Variants in SLC4A10 observed in about 807,000 individuals in gnomAD.
The protein encoded by SLC4A10 is sodium-driven chloride bicarbonate exchanger.
In SLC4A10, 42 loss-of-function variants were observed where a neutral mutation model predicts 137.7. That is an observed-to-expected ratio of 0.30 (90% CI 0.24 to 0.39). The LOEUF (loss-of-function observed/expected upper bound fraction) is 0.39. Among genes scored for constraint, SLC4A10 ranks in the 10% least tolerant of loss-of-function variants. The pLI is 1.00. For missense variants in SLC4A10, 925 were observed against 1,355.0 expected (o/e 0.68, Z 4.98); for synonymous variants, 474 against 464.1 (o/e 1.02, Z -0.27).
At chr2:161,923,272 C>CTA (rs1688469148) in intron 15 of SLC4A10, among the ~76,000 whole-genome samples, 1 of 152,120 alleles carries the variant, frequency 6.6e-6, no homozygotes, top group Non-Finnish European at 1.5e-5. Context: ...TATTTTAAGC[C>CTA]AAATAATTCA....
intron 15 of SLC4A10, among the ~76,000 whole-genome samples, chr2:161,918,449 C>T (rs1280785868): frequency 6.6e-6 from 1 of 152,050 alleles, no homozygotes; most frequent in Non-Finnish European, 1.5e-5. Flanking sequence ...AGCCACCACA[C>T]CTGGCCTAGA....
chr2:161,667,651 T>C (rs536448324), intron 1 of SLC4A10, among the ~76,000 whole-genome samples: 1 of 151,822 alleles, frequency 6.6e-6, no homozygotes, highest in East Asian at 1.9e-4. Context: ...GCAGTTACTT[T>C]GAGAAAATAT....
Position 161,872,292 on chromosome 2 carries a change from G to GCAGGTCAGGTTGTTTCTCCT in SLC4A10, c.770_789dup (p.Ser264ValfsTer45). 1 of 1,611,454 alleles carries GCAGGTCAGGTTGTTTCTCCT rather than the reference G, an allele frequency of 6.2e-7. No individual in the cohort carries two copies. The highest frequency in any genetic ancestry group is 8.5e-7 in the Non-Finnish European group (1 of 1,177,930). ...TATTCTGTCACAACAATCTCTTTTA[G>GCAGGTCAGGTTGTTTCTCCT]CAGGTCAGGTTGTTTCTCCTCAGTC... On this transcript the variant is annotated frameshift_variant and splice_region_variant. Transcript: ENST00000446997. LOFTEE classifies it high-confidence loss of function.
Position 161,896,430 on chromosome 2 carries a change from G to GT in SLC4A10, c.1341+1612dup, listed in dbSNP as rs1271893914. On this transcript the variant is annotated intron_variant, in intron 11 of 26. Transcript: ENST00000446997. ...TTAGTTCCATATGAACTTTAAAGTA[G>GT]TTTTTTTCCAATTCTGTGAAGAAAG... 4.6e-5 allele frequency among the ~76,000 whole-genome samples: 7 copies of GT among 152,188 alleles called. No individual in the cohort carries two copies. The South Asian group carries it at 1.5e-3, about 32-fold the overall frequency.
At chr2:161,925,242 T>A (rs967086411) in intron 15 of SLC4A10, among the ~76,000 whole-genome samples, 2 of 152,192 alleles carry the variant, frequency 1.3e-5, no homozygotes, top group Non-Finnish European at 2.9e-5. Flanking sequence ...ATTGGTCTAT[T>A]CAGAGATTCA....
intron 19 of SLC4A10, among the ~76,000 whole-genome samples, chr2:161,955,465 A>T (rs954742314): frequency 6.6e-6 from 1 of 152,198 alleles, no homozygotes; most frequent in Non-Finnish European, 1.5e-5. Context: ...ATTGAGTTAG[A>T]TATTTTGGTA....
intron 2 of SLC4A10, among the ~76,000 whole-genome samples, chr2:161,800,767 G>A (rs1027768358): frequency 3.9e-5 from 6 of 151,982 alleles, no homozygotes; most frequent in Non-Finnish European, 7.4e-5. Flanking sequence ...GAGTAATGTC[G>A]ACCATGAGAT....
Position 161,840,773 on chromosome 2 carries a change from G to A in SLC4A10, c.416+846G>A, listed in dbSNP as rs11887696. On this transcript the variant is annotated intron_variant, in intron 4 of 26. Coordinates refer to ENST00000446997, the MANE Select transcript of SLC4A10 (RefSeq NM_001178015.2). The stretch of plus-strand genomic sequence containing the variant: ...TACCCACTTTTTCACAAATTTTAAT[G>A]TGACTACCAATCACCTGGAATATTG... Among the ~76,000 whole-genome samples, 298 of 152,348 alleles carry A rather than the reference G, an allele frequency of 2.0e-3. 1 individual carries two copies. Among genetic ancestry groups the A allele is most frequent in the African/African-American group, 6.5e-3 (272 of 41,576 alleles).
chr2:161,714,363 A>T (rs1322441803), intron 1 of SLC4A10, among the ~76,000 whole-genome samples: 1 of 151,916 alleles, frequency 6.6e-6, no homozygotes, highest in East Asian at 1.9e-4. Flanking sequence ...AAGCATTTAA[A>T]CATGGTTTTC....
intron 1 of SLC4A10, among the ~76,000 whole-genome samples, chr2:161,661,589 T>G (rs1359368776): frequency 6.6e-6 from 1 of 152,264 alleles, no homozygotes; most frequent in African/African-American, 2.4e-5. Flanking sequence ...ACTTAGCTTC[T>G]GTTTGAAAGT....
In SLC4A10 at chr2:161,776,490, A is replaced by G. The variant is rs1268336625; in HGVS notation, c.130+5436A>G. ...TTTTCATGACTGACATATTTTATTT[A>G]GTATATAAAGTCCTCAAGTTTCAGT... On this transcript the variant is annotated intron_variant, in intron 2 of 26. Transcript: ENST00000446997. Among the ~76,000 whole-genome samples the G allele has an allele frequency of 3.3e-5, 5 of 152,050 alleles. No homozygotes were observed. In the East Asian group the frequency reaches 9.7e-4, roughly 30 times the overall value.
intron 1 of SLC4A10, among the ~76,000 whole-genome samples, chr2:161,756,495 C>T (rs1469200704): frequency 6.6e-6 from 1 of 152,114 alleles, no homozygotes; most frequent in Non-Finnish European, 1.5e-5. Context: ...CTTGCTCATA[C>T]TACATTTTTA....
intron 2 of SLC4A10, among the ~76,000 whole-genome samples, chr2:161,802,197 A>G (rs1421734785): frequency 1.3e-5 from 2 of 152,112 alleles, no homozygotes; most frequent in Non-Finnish European, 2.9e-5. Context: ...TCGGTTTGCC[A>G]GAGGATTAAT....
intron 3 of SLC4A10, among the ~76,000 whole-genome samples, chr2:161,836,543 A>G (rs1422667961): frequency 4.4e-5 from 1 of 22,598 alleles, no homozygotes; most frequent in Non-Finnish European, 9.0e-5. Context: ...AAAGAAAGAA[A>G]GAAAGAAAGA....
intron 1 of SLC4A10, among the ~76,000 whole-genome samples, chr2:161,711,080 A>G (rs1042178863): frequency 6.6e-6 from 1 of 151,852 alleles, no homozygotes; most frequent in African/African-American, 2.4e-5. Flanking sequence ...ATCATTATGC[A>G]TCCCATAACT....
At chr2:161,663,645 G>C (rs1312435115) in intron 1 of SLC4A10, among the ~76,000 whole-genome samples, 1 of 152,102 alleles carries the variant, frequency 6.6e-6, no homozygotes, top group East Asian at 1.9e-4. Context: ...GGCTGGGAAA[G>C]TGTGGGGTGG....
intron 23 of SLC4A10, among the ~76,000 whole-genome samples, chr2:161,973,320 G>T (rs1418780433): frequency 2.0e-5 from 3 of 152,094 alleles, no homozygotes; most frequent in Non-Finnish European, 4.4e-5. Flanking sequence ...TATAATCTAT[G>T]AATAACTTTC....
chr2:161,960,719 CA>C (rs1192160611), intron 21 of SLC4A10, among the ~76,000 whole-genome samples: 1 of 115,638 alleles, frequency 8.6e-6, no homozygotes, highest in Non-Finnish European at 1.8e-5. Context: ...TACTCTGTCT[CA>C]AAAAAAAAGA....
chr2:161,963,300 G>T (rs888026452), intron 21 of SLC4A10, among the ~76,000 whole-genome samples: 1 of 151,996 alleles, frequency 6.6e-6, no homozygotes, highest in Admixed American at 6.6e-5. Context: ...TAACAATAGT[G>T]TTATGTAATA....
Sources: gnomAD v4.1 joint callset for allele counts (sites outside exome capture counted in the v4.1 genomes callset) on GRCh38, gnomAD v4.1.1 for gene constraint, MANE v1.5 for transcripts, NCBI Gene and HGNC (gene_info 2026-07-23, HGNC 2026-07-21) for gene names.